Variants in MAST2 observed in about 807,000 individuals in gnomAD.
The protein encoded by MAST2 is microtubule associated serine/threonine kinase 2.
Under a neutral mutation model 147.4 loss-of-function variants are expected in MAST2, and 70 were observed. That is an observed-to-expected ratio of 0.47 (90% CI 0.39 to 0.58). MAST2 has a LOEUF of 0.58. MAST2 is among the 20% of genes least tolerant of loss of function. The pLI, the probability that MAST2 is intolerant of heterozygous loss-of-function variation, is 0.00. For missense variants in MAST2, 2,080 were observed against 2,302.3 expected (o/e 0.90, Z 1.98); for synonymous variants, 869 against 896.8 (o/e 0.97, Z 0.55).
At chr1:45,822,514 G>A (rs1394260292) in intron 1 of MAST2, among the ~76,000 whole-genome samples, 1 of 152,092 alleles carries the variant, frequency 6.6e-6, no homozygotes, top group Non-Finnish European at 1.5e-5. Flanking sequence ...CTCTTAATTG[G>A]TACTGATCAA....
At chr1:45,810,364 T>C (rs142235050) in intron 1 of MAST2, among the ~76,000 whole-genome samples, 54 of 152,276 alleles carry the variant, frequency 3.5e-4, no homozygotes, top group African/African-American at 1.3e-3. Context: ...GGGAAAAGCA[T>C]AGGGCAGAAA....
At chr1:45,850,083 C>T (rs182762996) in intron 3 of MAST2, among the ~76,000 whole-genome samples, 1 of 152,136 alleles carries the variant, frequency 6.6e-6, no homozygotes, top group Non-Finnish European at 1.5e-5. Flanking sequence ...TATACGTGTT[C>T]CCTTTTATCT....
Position 46,022,085 on chromosome 1 carries a change from G to A in MAST2, c.1423+3G>A, listed in dbSNP as rs375364132. 4 of 1,614,032 alleles carry A rather than the reference G, an allele frequency of 2.5e-6. No individual in the cohort carries two copies. Among genetic ancestry groups the A allele is most frequent in the Non-Finnish European group, 1.7e-6 (2 of 1,179,930 alleles). The stretch of plus-strand genomic sequence containing the variant: ...CCTCACCCGGGATCCCCTAGAAGGT[G>A]AGCATGCTGCCTAGTGGCTGCAAAG... On this transcript the variant is annotated splice_donor_region_variant and intron_variant, in intron 12 of 28. Transcript: ENST00000361297.
intron 5 of MAST2, among the ~76,000 whole-genome samples, chr1:45,982,643 CTG>C (rs1482241678): frequency 6.6e-6 from 1 of 152,128 alleles, no homozygotes; most frequent in Non-Finnish European, 1.5e-5. Context: ...TATAATAAAA[CTG>C]TAATAATAAG....
In MAST2 at chr1:46,023,065, A is replaced by AT; in HGVS notation, c.1485+95dup. 2 of 1,331,848 alleles carry AT rather than the reference A, an allele frequency of 1.5e-6. No individual in the cohort carries two copies. Among genetic ancestry groups the AT allele is most frequent in the South Asian group, 2.4e-5 (2 of 83,572 alleles). The allele number at this position is 1,331,848 out of a possible 1,614,324, so 82.5% of individuals were successfully genotyped here. On this transcript the variant is annotated intron_variant, in intron 13 of 28. Coordinates refer to ENST00000361297, the MANE Select transcript of MAST2 (RefSeq NM_015112.3). This position sits in a 1 kb window ranked among gnomAD's most constrained non-coding sequence, Gnocchi z 4.9. ...CTTTAAGAGAATATCTGAGGAAGGGATGGGGGAGTTGGTGACAGCAAACAC... is the reference window on the plus strand; with the variant it reads ...CTTTAAGAGAATATCTGAGGAAGGGATTGGGGGAGTTGGTGACAGCAAACAC...
chr1:45,905,174 C>CTT lies in MAST2; in HGVS notation c.500+22798_500+22799dup, dbSNP rs1206585552. On this transcript the variant is annotated intron_variant, in intron 4 of 28. Coordinates refer to ENST00000361297, the MANE Select transcript of MAST2 (RefSeq NM_015112.3). ...CCCTTTTGACTAAAATATGTTTAAT[C>CTT]TTTTTTTTTTTTTTTTTTTTGAGGC... Among the ~76,000 whole-genome samples the CTT allele has an allele frequency of 1.0e-3, 128 of 128,098 alleles. 2 individuals are homozygous for CTT. The highest frequency in any genetic ancestry group is 2.5e-3 in the African/African-American group (87 of 34,414). The allele number at this position is 128,098 out of a possible 152,430, so 84.0% of individuals were successfully genotyped here. A position where few individuals can be genotyped will look rare whatever the true frequency, so the allele number is the denominator to read the frequency against.
At chr1:45,893,735 A>C (rs1490763522) in intron 4 of MAST2, among the ~76,000 whole-genome samples, 1 of 152,174 alleles carries the variant, frequency 6.6e-6, no homozygotes, top group African/African-American at 2.4e-5. Flanking sequence ...TCATACAATA[A>C]CTAGAATATT....
intron 4 of MAST2, among the ~76,000 whole-genome samples, chr1:45,943,248 G>A (rs562581377): frequency 6.6e-6 from 1 of 152,336 alleles, no homozygotes; most frequent in Admixed American, 6.5e-5. Flanking sequence ...GCTATACCAT[G>A]AAGAGTCTTG....
intron 3 of MAST2, among the ~76,000 whole-genome samples, chr1:45,836,762 A>G (rs1012652225): frequency 1.3e-5 from 2 of 152,236 alleles, no homozygotes; most frequent in African/African-American, 4.8e-5. Context: ...TGGCAGATGT[A>G]TACAGTTGTG....
chr1:45,868,391 C>T (rs1046067868), intron 3 of MAST2, among the ~76,000 whole-genome samples: 4 of 152,082 alleles, frequency 2.6e-5, no homozygotes, highest in African/African-American at 9.7e-5. Context: ...CATTATTTGC[C>T]CATAAGGCAC....
intron 3 of MAST2, among the ~76,000 whole-genome samples, chr1:45,855,159 C>T (rs183630020): frequency 6.6e-6 from 1 of 152,324 alleles, no homozygotes; most frequent in East Asian, 1.9e-4. Flanking sequence ...TTCTGGTGCA[C>T]AGCCTCCATA....
At chr1:45,976,057 C>T (rs1388356892) in intron 5 of MAST2, among the ~76,000 whole-genome samples, 4 of 151,824 alleles carry the variant, frequency 2.6e-5, no homozygotes, top group Non-Finnish European at 5.9e-5. Context: ...TCACCGCAAC[C>T]TCCACCTCCT....
intron 9 of MAST2, 66 bp downstream of exon 9, chr1:46,008,437 T>A: frequency 2.0e-6 from 2 of 1,001,144 alleles, no homozygotes; most frequent in Admixed American, 3.5e-5. Context: ...CCAGCCCCAA[T>A]GGGAGACTCT....
intron 5 of MAST2, among the ~76,000 whole-genome samples, chr1:45,984,568 C>T (rs1644540669): frequency 6.6e-6 from 1 of 152,066 alleles, no homozygotes; most frequent in African/African-American, 2.4e-5. Flanking sequence ...CTCATCCTCC[C>T]AAAGTACTGA....
In MAST2 at chr1:46,031,523, G is replaced by A. The variant is rs185529144; in HGVS notation, c.3125G>A (p.Arg1042His). The A allele has an allele frequency of 1.5e-5, 25 of 1,614,154 alleles. No homozygotes were observed. The highest frequency in any genetic ancestry group is 1.7e-4 in the Middle Eastern group (1 of 6,060). The change falls in exon 24 of 29, where the codon CGC (arginine) becomes CAC (histidine). Residue 1042 changes from arginine to histidine, a missense_variant. By Grantham distance (29) the Arg-to-His change is conservative (BLOSUM62 0). This residue lies in a region of MAST2 where 1,278 missense variants were observed against 1,304.2 expected (regional missense o/e 0.98). Transcript: ENST00000361297. This position sits in a 1 kb window ranked among gnomAD's most constrained non-coding sequence, Gnocchi z 4.1. Reference sequence around the variant, plus strand: ...GACTCAACAGAGAAGCGCACTGCTCGCCCTGTCAACAAAGTGATCAAGTCC... The same window carrying A: ...GACTCAACAGAGAAGCGCACTGCTCACCCTGTCAACAAAGTGATCAAGTCC... ...SGDSTEKRTARPVNKVIKSAS... is the reference protein window; with the variant it reads ...SGDSTEKRTAHPVNKVIKSAS...
chr1:45,982,838 T>C (rs528661007), intron 5 of MAST2, among the ~76,000 whole-genome samples: 2 of 152,344 alleles, frequency 1.3e-5, no homozygotes, highest in South Asian at 4.1e-4. Context: ...TTGAGGACTT[T>C]GCTCTTAAAC....
intron 3 of MAST2, among the ~76,000 whole-genome samples, chr1:45,835,048 G>C (rs1054060438): frequency 3.3e-5 from 5 of 151,708 alleles, no homozygotes; most frequent in African/African-American, 9.7e-5. Flanking sequence ...AATCTAAAAA[G>C]CCATGTATTG....
At chr1:45,917,421 G>A (rs1652724206) in intron 4 of MAST2, 7 of 1,366,416 alleles carry the variant, frequency 5.1e-6, no homozygotes, top group Non-Finnish European at 6.9e-6. Flanking sequence ...CCTCACTAAA[G>A]TCCCATTTAG....
intron 1 of MAST2, among the ~76,000 whole-genome samples, chr1:45,823,951 T>C (rs1424491758): frequency 6.6e-6 from 1 of 152,218 alleles, no homozygotes; most frequent in Non-Finnish European, 1.5e-5. Context: ...TGAAAACCTG[T>C]ATTTAGCTCC....
Sources: gnomAD v4.1 joint callset for allele counts (sites outside exome capture counted in the v4.1 genomes callset) on GRCh38, gnomAD v4.1.1 for gene constraint, gnomAD v4.1.1 regional missense constraint, Gnocchi (gnomAD v3.1) non-coding constraint, MANE v1.5 for transcripts, NCBI Gene and HGNC (gene_info 2026-07-23, HGNC 2026-07-21) for gene names.